Variants in MAP6 observed in about 807,000 individuals in gnomAD.
MAP6 encodes microtubule-associated protein 6.
MAP6 carries 26 observed loss-of-function variants against 42.4 expected under a neutral mutation model. The observed-to-expected ratio is 0.61, with a 90% CI of 0.45 to 0.85. The LOEUF (loss-of-function observed/expected upper bound fraction) is 0.85. Among genes scored for constraint, MAP6 ranks in the 40% least tolerant of loss-of-function variants. The pLI is 0.00. For missense variants in MAP6, 966 were observed against 1,099.0 expected (o/e 0.88, Z 1.71); for synonymous variants, 418 against 443.8 (o/e 0.94, Z 0.73).
rs1027367423 is a variant in MAP6, at chr11:75,667,271, C to T, written c.905+194G>A. On this transcript the variant is annotated intron_variant, in intron 1 of 3. Transcript: ENST00000304771. This position sits in a 1 kb window ranked among gnomAD's most constrained non-coding sequence, Gnocchi z 5.6. ...GGCAGGCTGAGATGGAATATACTAA[C>T]AGCTTGCGCATGGGACAGGGCAGAA... 6.6e-6 allele frequency among the ~76,000 whole-genome samples: 1 copy of T among 152,180 alleles called. No individual in the cohort carries two copies. The highest frequency in any genetic ancestry group is 6.5e-5 in the Admixed American group (1 of 15,286).
At chr11:75,618,940 C>A (rs1943054936) in intron 1 of MAP6, among the ~76,000 whole-genome samples, 1 of 152,214 alleles carries the variant, frequency 6.6e-6, no homozygotes, top group Non-Finnish European at 1.5e-5. Context: ...GGGCCTCCCC[C>A]ACCACAGCTC....
At chr11:75,643,050 G>T (rs562068939) in intron 1 of MAP6, among the ~76,000 whole-genome samples, 3 of 152,162 alleles carry the variant, frequency 2.0e-5, no homozygotes, top group African/African-American at 7.2e-5. Context: ...ACTATTATTG[G>T]CAGTAGAAAT....
At chr11:75,630,473 T>C (rs537637168) in intron 1 of MAP6, among the ~76,000 whole-genome samples, 5 of 152,358 alleles carry the variant, frequency 3.3e-5, no homozygotes, top group African/African-American at 1.2e-4. Flanking sequence ...ATGTTGTATC[T>C]TACCTGATAT....
At chr11:75,594,166 A>T (rs1204905714) in intron 3 of MAP6, 1 of 152,266 alleles carries the variant, frequency 6.6e-6, no homozygotes, top group Non-Finnish European at 1.5e-5. Context: ...GGGCCTCTCA[A>T]CATCTCAGCA....
chr11:75,588,852 TTA>T (rs1942422758), intron 3 of MAP6, among the ~76,000 whole-genome samples: 1 of 152,166 alleles, frequency 6.6e-6, no homozygotes, highest in African/African-American at 2.4e-5. Context: ...TAGTTTTTTG[TTA>T]TTTGTTTTTG....
chr11:75,597,476 G>A (rs1473198862), intron 3 of MAP6, among the ~76,000 whole-genome samples: 1 of 152,198 alleles, frequency 6.6e-6, no homozygotes, highest in Non-Finnish European at 1.5e-5. Context: ...GCACCAAGAA[G>A]GCAAAGTCAA....
intron 1 of MAP6, chr11:75,636,002 G>C (rs1943362821): frequency 6.6e-6 from 1 of 152,258 alleles, no homozygotes; most frequent in African/African-American, 2.4e-5. Context: ...CAACTTTAGT[G>C]TTCCTAAGAA....
Position 75,610,849 on chromosome 11 carries a change from G to A in MAP6, c.906-2527C>T, listed in dbSNP as rs529736528. 2.6e-5 allele frequency among the ~76,000 whole-genome samples: 4 copies of A among 152,152 alleles called. No individual in the cohort carries two copies. In the South Asian group the frequency reaches 8.3e-4, roughly 32 times the overall value. On this transcript the variant is annotated intron_variant, in intron 1 of 3. Coordinates refer to ENST00000304771, the MANE Select transcript of MAP6 (RefSeq NM_033063.2). Reference sequence around the variant, plus strand: ...TGGGGAGACTCCAGGACTCTGGCTGGGGGGCGGTAGTCCCCCACTGAGACG... The same window carrying A: ...TGGGGAGACTCCAGGACTCTGGCTGAGGGGCGGTAGTCCCCCACTGAGACG...
intron 1 of MAP6, chr11:75,642,472 G>A (rs1943488879): frequency 6.6e-6 from 1 of 152,324 alleles, no homozygotes; most frequent in Admixed American, 6.5e-5. Flanking sequence ...CCACAACATT[G>A]ACTAACTAGT....
At chr11:75,644,006 T>G (rs917686253) in intron 1 of MAP6, among the ~76,000 whole-genome samples, 1 of 152,234 alleles carries the variant, frequency 6.6e-6, no homozygotes, top group African/African-American at 2.4e-5. Flanking sequence ...AACAATTCTA[T>G]TCTTAGAGGT....
At chr11:75,626,815 C>T (rs1216928633) in intron 1 of MAP6, among the ~76,000 whole-genome samples, 1 of 151,960 alleles carries the variant, frequency 6.6e-6, no homozygotes, top group Non-Finnish European at 1.5e-5. Context: ...CGATCCAGGC[C>T]CTGGGAAGAA....
rs1336154373 is a variant in MAP6 at position 75,608,186 on chromosome 11, T to C, written c.1042A>G (p.Thr348Ala). 1 of 1,614,236 alleles carries C rather than the reference T, an allele frequency of 6.2e-7. No individual in the cohort carries two copies. The highest frequency in any genetic ancestry group is 1.1e-5 in the South Asian group (1 of 91,078). The change falls in exon 2 of 4, where the codon ACA becomes GCA. Residue 348 changes from threonine (T) to alanine (A), a missense_variant. Physicochemically the swap from Thr to Ala is moderately conservative, Grantham distance 58 (BLOSUM62 0). Coordinates refer to ENST00000304771, the MANE Select transcript of MAP6 (RefSeq NM_033063.2). ...TCAATGACCTTATTGTCAGCTGTTG[T>C]TGGCTTGCTGGCCTCTCCTTTGAAC... ...AQFKGEASKP[T>A]TADNKVIDRR...
intron 1 of MAP6, among the ~76,000 whole-genome samples, chr11:75,618,521 T>C (rs1007330189): frequency 6.6e-6 from 1 of 151,954 alleles, no homozygotes; most frequent in Non-Finnish European, 1.5e-5. Context: ...GCAGGAGAGT[T>C]GCTTGAAGCT....
At chr11:75,603,720 AT>A (rs1942706898) in intron 3 of MAP6, 1 of 985,338 alleles carries the variant, frequency 1.0e-6, no homozygotes, top group Middle Eastern at 5.2e-4. Flanking sequence ...GTGGAGACAG[AT>A]TTCTTTATAC....
chr11:75,593,733 C>A (rs1942523056), intron 3 of MAP6, among the ~76,000 whole-genome samples: 1 of 152,184 alleles, frequency 6.6e-6, no homozygotes, highest in African/African-American at 2.4e-5. Flanking sequence ...TGTGGAAAAG[C>A]CTTGAGGAAG....
rs372490024 is a variant in MAP6, at chr11:75,623,364, C to T, written c.906-15042G>A. The stretch of plus-strand genomic sequence containing the variant: ...AAACTGTCTTTCAGAGACGGCTGCA[C>T]CAATGTATAATTTTACTAAATCTCA... On this transcript the variant is annotated intron_variant, in intron 1 of 3. Coordinates refer to ENST00000304771, the MANE Select transcript of MAP6 (RefSeq NM_033063.2). 3.2e-3 allele frequency among the ~76,000 whole-genome samples: 489 copies of T among 152,218 alleles called. 2 individuals carry two copies. The highest frequency in any genetic ancestry group is 0.011 in the African/African-American group (474 of 41,520).
At chr11:75,606,750 C>A (rs1295943280) in intron 2 of MAP6, among the ~76,000 whole-genome samples, 1 of 152,164 alleles carries the variant, frequency 6.6e-6, no homozygotes, top group Non-Finnish European at 1.5e-5. Context: ...CTCTGCCTGG[C>A]TCCTCCACCA....
intron 1 of MAP6, among the ~76,000 whole-genome samples, chr11:75,632,825 T>C (rs1943305397): frequency 6.6e-6 from 1 of 152,098 alleles, no homozygotes; most frequent in Non-Finnish European, 1.5e-5. Flanking sequence ...CAGACAATCA[T>C]AGAGATAATT....
Position 75,588,011 on chromosome 11 carries a change from C to G in MAP6, c.1490G>C (p.Gly497Ala). 6.2e-7 allele frequency: 1 copy of G among 1,614,110 alleles called. No homozygotes were observed. Among genetic ancestry groups the G allele is most frequent in the Non-Finnish European group, 8.5e-7 (1 of 1,180,010 alleles). Residue 497 changes from glycine (G) to alanine (A), a missense_variant, in exon 4 of 4, where the codon GGT becomes GCT. By Grantham distance (60) the Gly-to-Ala change is moderately conservative (BLOSUM62 0). Coordinates refer to ENST00000304771, the MANE Select transcript of MAP6 (RefSeq NM_033063.2). Reference protein sequence around the residue: ...SVVPGPPKDLGPMIPLPVKDQ... With the variant: ...SVVPGPPKDLAPMIPLPVKDQ... Reference sequence around the variant, plus strand: ...CTTGACTGGTAATGGGATCATGGGACCTAGATCCTTTGGAGGCCCTGGGAC... The same window carrying G: ...CTTGACTGGTAATGGGATCATGGGAGCTAGATCCTTTGGAGGCCCTGGGAC...
Sources: allele counts gnomAD v4.1 joint callset (sites outside exome capture counted in the v4.1 genomes callset), GRCh38; gene constraint gnomAD v4.1.1; non-coding constraint Gnocchi (gnomAD v3.1); transcripts MANE v1.5; gene names NCBI Gene and HGNC (gene_info 2026-07-23, HGNC 2026-07-21).